Variants in CRTC1 observed in about 807,000 individuals in gnomAD.
CRTC1 encodes CREB regulated transcription coactivator 1.
CRTC1 carries 18 observed loss-of-function variants against 66.1 expected under a neutral mutation model. That is an observed-to-expected ratio of 0.27 (90% CI 0.19 to 0.40). The LOEUF is 0.40. CRTC1 is among the 10% of genes least tolerant of loss of function. The probability of loss-of-function intolerance (pLI) is 1.00; values close to 1 mark genes in which losing one functional copy is unlikely to be tolerated. For missense variants in CRTC1, 669 were observed against 887.9 expected, an observed-to-expected ratio of 0.75 and a Z score of 3.13; for synonymous variants, 416 against 398.8, an observed-to-expected ratio of 1.04 and a Z score of -0.51.
intron 1 of CRTC1, among the ~76,000 whole-genome samples, chr19:18,722,171 G>A (rs756491249): frequency 3.4e-4 from 52 of 152,212 alleles, no homozygotes; most frequent in Non-Finnish European, 6.6e-4. Context: ...CTGCCATGGG[G>A]AGCTTGCAGC....
chr19:18,744,030 G>C (rs1188967281), intron 2 of CRTC1: 10 of 1,515,772 alleles, frequency 6.6e-6, no homozygotes, highest in Non-Finnish European at 8.2e-6. Context: ...CACAGCCCGG[G>C]GGGAGGTCCC....
Position 18,759,608 on chromosome 19 carries a change from C to T in CRTC1, c.665+17C>T, listed in dbSNP as rs764565797. Reference sequence around the variant, plus strand: ...CGGAATCAAGTAAGTCTCCACAGGGCCCACCCCGCACACTGCATCTGCTGC... The same window carrying T: ...CGGAATCAAGTAAGTCTCCACAGGGTCCACCCCGCACACTGCATCTGCTGC... On this transcript the variant is annotated intron_variant, in intron 7 of 13. Coordinates refer to ENST00000321949, the MANE Select transcript of CRTC1 (RefSeq NM_015321.3). 3 of 1,611,648 alleles carry T rather than the reference C, an allele frequency of 1.9e-6. No individual in the cohort carries two copies. The highest frequency in any genetic ancestry group is 4.5e-5 in the East Asian group (2 of 44,782).
chr19:18,717,869 CT>C (rs2053542496), intron 1 of CRTC1, among the ~76,000 whole-genome samples: 1 of 151,984 alleles, frequency 6.6e-6, no homozygotes, highest in African/African-American at 2.4e-5. Flanking sequence ...CAGAGGGCCC[CT>C]GGGGAGAAGG....
At chr19:18,725,080 C>T (rs1278114413) in intron 1 of CRTC1, among the ~76,000 whole-genome samples, 3 of 152,080 alleles carry the variant, frequency 2.0e-5, no homozygotes, top group Admixed American at 2.0e-4. Flanking sequence ...CCTGAGTACA[C>T]ACCCAGGAGA....
intron 1 of CRTC1, among the ~76,000 whole-genome samples, chr19:18,736,067 C>T (rs932217098): frequency 3.9e-5 from 6 of 152,120 alleles, no homozygotes; most frequent in Non-Finnish European, 7.4e-5. Context: ...CAGCTGTTGA[C>T]CCAGCTGGGC....
intron 1 of CRTC1, among the ~76,000 whole-genome samples, chr19:18,687,140 C>T (rs1004598491): frequency 2.6e-5 from 4 of 151,748 alleles, no homozygotes; most frequent in African/African-American, 7.3e-5. Flanking sequence ...CTCAGCCTCC[C>T]GAGTAGCTGG....
intron 8 of CRTC1, among the ~76,000 whole-genome samples, chr19:18,762,113 C>T (rs902606711): frequency 5.3e-5 from 8 of 152,230 alleles, no homozygotes; most frequent in African/African-American, 1.9e-4. Flanking sequence ...GCATAGAAGC[C>T]ACCATCTCCC....
intron 1 of CRTC1, among the ~76,000 whole-genome samples, chr19:18,736,561 C>T (rs986304390): frequency 2.0e-5 from 3 of 152,002 alleles, no homozygotes; most frequent in East Asian, 1.9e-4. Flanking sequence ...TGCTGGGCAG[C>T]GGTGGGCCCA....
At position 18,741,266 on chromosome 19, in the gene CRTC1, A is replaced by G. The variant is rs1600900582; in HGVS notation, c.127-1644A>G. Reference sequence around the variant, plus strand: ...TAGTGTAAACAAAGCTGCTTCAGGGAGTTCTTGCCCCTGATGTCTGGCCTC... The same window carrying G: ...TAGTGTAAACAAAGCTGCTTCAGGGGGTTCTTGCCCCTGATGTCTGGCCTC... On this transcript the variant is annotated intron_variant, in intron 1 of 13. Transcript: ENST00000321949. This position sits in a 1 kb window ranked among gnomAD's most constrained non-coding sequence, Gnocchi z 4.2. Among the ~76,000 whole-genome samples, 2 of 152,118 alleles carry G rather than the reference A, an allele frequency of 1.3e-5. No individual in the cohort carries two copies. The highest frequency in any genetic ancestry group is 4.8e-5 in the African/African-American group (2 of 41,422).
In CRTC1 at chr19:18,777,194, C is replaced by A; in HGVS notation, c.1717C>A (p.Leu573Ile). 3.7e-6 allele frequency: 6 copies of A among 1,606,810 alleles called. No individual in the cohort carries two copies. The South Asian group carries it at 6.6e-5, about 18-fold the overall frequency. Residue 573 changes from leucine (L) to isoleucine (I), a missense_variant, in exon 14 of 14, where the codon CTC (leucine) becomes ATC (isoleucine). Physicochemically the swap from Leu to Ile is conservative, Grantham distance 5. Around this residue, in one of 8 missense-constraint regions of CRTC1, gnomAD observed 91 missense variants for 99.1 expected, o/e 0.92. Transcript: ENST00000321949. This position sits in a 1 kb window ranked among gnomAD's most constrained non-coding sequence, Gnocchi z 5.5. ...LTVTGESPPS[L>I]SKELTSSLAG... Reference sequence around the variant, plus strand: ...AGTGACAGGAGAGTCCCCCCCCAGCCTCTCTAAAGAACTGACCAGCTCTCT... The same window carrying A: ...AGTGACAGGAGAGTCCCCCCCCAGCATCTCTAAAGAACTGACCAGCTCTCT...
intron 8 of CRTC1, among the ~76,000 whole-genome samples, chr19:18,764,269 C>T (rs1028676662): frequency 5.9e-5 from 9 of 152,234 alleles, no homozygotes; most frequent in African/African-American, 1.7e-4. Flanking sequence ...GCTTCACCCC[C>T]GCCTTGACTG....
Position 18,778,851 on chromosome 19 carries a change from A to T in CRTC1, c.*1469A>T, listed in dbSNP as rs2055049062. The T allele has an allele frequency of 4.3e-6, 1 of 231,182 alleles. No individual in the cohort carries two copies. The highest frequency in any genetic ancestry group is 2.2e-5 in the African/African-American group (1 of 45,186). The allele number at this position is 231,182 out of a possible 1,614,324, so 14.3% of individuals were successfully genotyped here. A position where few individuals can be genotyped will look rare whatever the true frequency, so the allele number is the denominator to read the frequency against. On this transcript the variant is annotated 3_prime_UTR_variant, in exon 14 of 14. Coordinates refer to ENST00000321949, the MANE Select transcript of CRTC1 (RefSeq NM_015321.3). ...CTCTCCACCCTACCCTCTGGCTCCT[A>T]GCCCACACCCCCTCTCTTGGGCAGC...
chr19:18,770,001 G>A (rs1325754284), intron 10 of CRTC1, among the ~76,000 whole-genome samples: 1 of 151,502 alleles, frequency 6.6e-6, no homozygotes, highest in East Asian at 2.0e-4. Flanking sequence ...CGAGCTCACC[G>A]CCACCCCCCG....
At chr19:18,685,389 G>A (rs998697356) in intron 1 of CRTC1, among the ~76,000 whole-genome samples, 1 of 152,168 alleles carries the variant, frequency 6.6e-6, no homozygotes, top group African/African-American at 2.4e-5. Context: ...CAGGTGTGGT[G>A]GCTCATGCCT....
intron 1 of CRTC1, among the ~76,000 whole-genome samples, chr19:18,723,068 G>C (rs1386636031): frequency 6.6e-6 from 1 of 151,984 alleles, no homozygotes; most frequent in African/African-American, 2.4e-5. Flanking sequence ...AGCCTCCCAA[G>C]TACCTGGGAT....
chr19:18,702,370 C>T (rs1405692779), intron 1 of CRTC1, among the ~76,000 whole-genome samples: 1 of 151,842 alleles, frequency 6.6e-6, no homozygotes, highest in African/African-American at 2.4e-5. Context: ...TAGGTGTGTA[C>T]CACCACAGCT....
At position 18,778,095 on chromosome 19, in the gene CRTC1, G is replaced by T. The variant is rs2145880005; in HGVS notation, c.*713G>T. On this transcript the variant is annotated 3_prime_UTR_variant, in exon 14 of 14. Transcript: ENST00000321949. The stretch of plus-strand genomic sequence containing the variant: ...CCCTCGAAGCCCTGCCTCACCGCAG[G>T]CAGGCCCATCGGTGGCCACCTTTGC... 4.3e-6 allele frequency: 1 copy of T among 233,138 alleles called. No individual in the cohort carries two copies. Among genetic ancestry groups the T allele is most frequent in the African/African-American group, 2.2e-5 (1 of 45,434 alleles). The allele number at this position is 233,138 out of a possible 1,614,324, so 14.4% of individuals were successfully genotyped here.
At chr19:18,719,542 A>G (rs1002468459) in intron 1 of CRTC1, among the ~76,000 whole-genome samples, 1 of 152,308 alleles carries the variant, frequency 6.6e-6, no homozygotes, top group Non-Finnish European at 1.5e-5. Flanking sequence ...CATAAAAGCT[A>G]TTTTGGGCCC....
chr19:18,740,704 C>G (rs1230768085), intron 1 of CRTC1, among the ~76,000 whole-genome samples: 3 of 152,148 alleles, frequency 2.0e-5, no homozygotes, highest in Non-Finnish European at 4.4e-5. Flanking sequence ...GCATGGGGTT[C>G]CCCAAAAGAA....
Sources: allele counts gnomAD v4.1 joint callset (sites outside exome capture counted in the v4.1 genomes callset), GRCh38; gene constraint gnomAD v4.1.1; regional missense constraint gnomAD v4.1.1; non-coding constraint Gnocchi (gnomAD v3.1); transcripts MANE v1.5; gene names NCBI Gene and HGNC (gene_info 2026-07-23, HGNC 2026-07-21).